Variants in ADARB2 observed in about 807,000 individuals in gnomAD.
ADARB2 encodes the protein adenosine deaminase RNA specific B2 (inactive), also known as inactive double-stranded RNA-specific editase B2.
Under a neutral mutation model 62.2 loss-of-function variants are expected in ADARB2, and 25 were observed. That is an observed-to-expected ratio of 0.40 (90% CI 0.29 to 0.56). The LOEUF (loss-of-function observed/expected upper bound fraction) is 0.56, where lower values mean the gene tolerates loss of function less well. ADARB2 is among the 20% of genes least tolerant of loss of function. The pLI, the probability that ADARB2 is intolerant of heterozygous loss-of-function variation, is 0.43. For missense variants in ADARB2, 1,071 were observed against 1,077.4 expected (o/e 0.99, Z 0.08); for synonymous variants, 572 against 500.8 (o/e 1.14, Z -1.90).
chr10:1,233,833 C>T lies in ADARB2; in HGVS notation c.1374G>A (p.Glu458=). 1 of 1,613,788 alleles carries T rather than the reference C, an allele frequency of 6.2e-7. No homozygotes were observed. Among genetic ancestry groups the T allele is most frequent in the Non-Finnish European group, 8.5e-7 (1 of 1,179,860 alleles). ...QLELHLSKRR[E]DSERSIFVRL... ...GCACGAATATCGATCGCTCTGAGTC[C>T]TCGCGCCGCTTGCTAGGGTCACAAA... Residue 458 remains glutamate (E), a synonymous_variant, in exon 6 of 10, where the codon GAG becomes GAA. Coordinates refer to ENST00000381312, the MANE Select transcript of ADARB2 (RefSeq NM_018702.4).
chr10:1,290,218 T>TA (rs11388604), intron 3 of ADARB2: 134,573 of 152,176 alleles, frequency 0.88, 60,962 homozygotes, highest in East Asian at 1. Context: ...GTCTGACAAG[T>TA]GGATTCTGTC....
chr10:1,486,920 A>G (rs1380283193), intron 1 of ADARB2, among the ~76,000 whole-genome samples: 1 of 152,218 alleles, frequency 6.6e-6, no homozygotes, highest in Non-Finnish European at 1.5e-5. Flanking sequence ...TTAGGGTTGG[A>G]AGAGGAAAGA....
At chr10:1,687,991 G>A (rs1001645539) in intron 1 of ADARB2, among the ~76,000 whole-genome samples, 4 of 152,214 alleles carry the variant, frequency 2.6e-5, no homozygotes, top group African/African-American at 9.6e-5. Context: ...TGAGCAGATG[G>A]CACTTTGCTT....
rs530038671 is a variant in ADARB2 at position 1,559,194 on chromosome 10, C to T, written c.100+177857G>A. 9.8e-5 allele frequency among the ~76,000 whole-genome samples: 15 copies of T among 152,326 alleles called. No homozygotes were observed. The South Asian group carries it at 1.9e-3, about 19-fold the overall frequency. On this transcript the variant is annotated intron_variant, in intron 1 of 9. Transcript: ENST00000381312. Reference sequence around the variant, plus strand: ...TGCCAGATACTTGCTTCTCCCCACCCAGGACTCTGCTGCTTTTATGGAAAT... The same window carrying T: ...TGCCAGATACTTGCTTCTCCCCACCTAGGACTCTGCTGCTTTTATGGAAAT...
intron 3 of ADARB2, among the ~76,000 whole-genome samples, chr10:1,314,571 C>T (rs532143572): frequency 6.6e-6 from 1 of 152,312 alleles, no homozygotes; most frequent in South Asian, 2.1e-4. Context: ...CTTGCCCTGG[C>T]CTTCCGGCCG....
intron 6 of ADARB2, among the ~76,000 whole-genome samples, chr10:1,221,332 C>G (rs1474032315): frequency 1.3e-5 from 2 of 151,860 alleles, no homozygotes; most frequent in Non-Finnish European, 2.9e-5. Flanking sequence ...CTATATAAAA[C>G]CCTAGATAAA....
At chr10:1,384,384 G>T (rs1393441387) in intron 1 of ADARB2, among the ~76,000 whole-genome samples, 4 of 152,220 alleles carry the variant, frequency 2.6e-5, no homozygotes, top group African/African-American at 9.6e-5. Context: ...TCCAAAGTGA[G>T]TCTGGAGAAG....
intron 1 of ADARB2, among the ~76,000 whole-genome samples, chr10:1,698,383 C>T (rs1834775318): frequency 1.3e-5 from 2 of 152,176 alleles, no homozygotes; most frequent in Admixed American, 6.5e-5. Context: ...TCCACAGCCA[C>T]TGGAGGGGGC....
chr10:1,696,175 T>C (rs1490509600), intron 1 of ADARB2, among the ~76,000 whole-genome samples: 2 of 102,288 alleles, frequency 2.0e-5, no homozygotes, highest in Non-Finnish European at 4.2e-5. Flanking sequence ...TGTGTCTGTG[T>C]ATGCACACAT....
chr10:1,229,233 TC>T (rs1213757247), intron 6 of ADARB2, among the ~76,000 whole-genome samples: 1 of 152,158 alleles, frequency 6.6e-6, no homozygotes, highest in Non-Finnish European at 1.5e-5. Context: ...ATCTAGAATT[TC>T]TCGAGCCACA....
chr10:1,324,148 T>G (rs772920195), intron 3 of ADARB2, among the ~76,000 whole-genome samples: 1 of 152,224 alleles, frequency 6.6e-6, no homozygotes, highest in African/African-American at 2.4e-5. Flanking sequence ...CATGATAAGA[T>G]GCTAAACTAT....
chr10:1,358,743 G>T (rs1264762112), intron 3 of ADARB2, among the ~76,000 whole-genome samples: 1 of 152,124 alleles, frequency 6.6e-6, no homozygotes, highest in Non-Finnish European at 1.5e-5. Context: ...GGAGAGTGCG[G>T]GGTGAGGGTG....
chr10:1,218,167 C>T (rs894322493), intron 6 of ADARB2, among the ~76,000 whole-genome samples: 2 of 152,190 alleles, frequency 1.3e-5, no homozygotes, highest in Admixed American at 6.5e-5. Context: ...TCTCCTGCCT[C>T]AGCCTCCTGA....
intron 1 of ADARB2, among the ~76,000 whole-genome samples, chr10:1,681,239 A>G (rs543361220): frequency 2.6e-5 from 4 of 152,352 alleles, no homozygotes; most frequent in Admixed American, 2.6e-4. Flanking sequence ...ACCTTGTAGT[A>G]GCAATGAAAT....
intron 1 of ADARB2, among the ~76,000 whole-genome samples, chr10:1,636,752 CATCAT>C (rs1167148217): frequency 1.4e-5 from 2 of 147,816 alleles, no homozygotes; most frequent in African/African-American, 2.5e-5. Flanking sequence ...GTATAATATA[CATCAT>C]ATCAATATAC....
chr10:1,714,362 C>G (rs1217216069), intron 1 of ADARB2, among the ~76,000 whole-genome samples: 1 of 152,216 alleles, frequency 6.6e-6, no homozygotes, highest in African/African-American at 2.4e-5. Context: ...GCCAATCTCT[C>G]TTTCATTTAT....
intron 1 of ADARB2, among the ~76,000 whole-genome samples, chr10:1,418,263 A>G (rs11250505): frequency 0.014 from 2,156 of 152,324 alleles, 115 homozygotes; most frequent in East Asian, 0.12. Flanking sequence ...CAAGTCGGCT[A>G]TGAGCACCCC....
intron 8 of ADARB2, among the ~76,000 whole-genome samples, chr10:1,193,470 C>G (rs1438282936): frequency 2.0e-5 from 3 of 152,164 alleles, no homozygotes; most frequent in Non-Finnish European, 2.9e-5. Context: ...GGGTCTTTTG[C>G]TGTTCCAAAT....
chr10:1,569,952 T>G lies in ADARB2; in HGVS notation c.100+167099A>C, dbSNP rs1832912801. ...GGAAACCAAAAATAATTCACATTGT[T>G]GGTCACTGTTTTCTTCCTTGAATAT... On this transcript the variant is annotated intron_variant, in intron 1 of 9. Transcript: ENST00000381312. Among the ~76,000 whole-genome samples, 2 of 152,206 alleles carry G rather than the reference T, an allele frequency of 1.3e-5. 1 individual carries two copies. Among genetic ancestry groups the G allele is most frequent in the Admixed American group, 1.3e-4 (2 of 15,280 alleles).
Sources: gnomAD v4.1 joint callset for allele counts (sites outside exome capture counted in the v4.1 genomes callset) on GRCh38, gnomAD v4.1.1 for gene constraint, MANE v1.5 for transcripts, NCBI Gene and HGNC (gene_info 2026-07-23, HGNC 2026-07-21) for gene names.